PCDH15: variants seen among roughly 807,000 people sequenced by gnomAD.
The protein encoded by PCDH15 is protocadherin related 15, also known as protocadherin-15.
PCDH15 carries 129 observed loss-of-function variants against 178.5 expected under a neutral mutation model. That is an observed-to-expected ratio of 0.72 (90% CI 0.63 to 0.84). The LOEUF (loss-of-function observed/expected upper bound fraction) is 0.84. PCDH15 is among the 40% of genes least tolerant of loss of function. PCDH15 has a pLI of 0.00. For synonymous variants in PCDH15, 800 were observed against 732.0 expected, an observed-to-expected ratio of 1.09 and a Z score of -1.50; for missense variants, 2,230 against 2,099.9, an observed-to-expected ratio of 1.06 and a Z score of -1.21.
intron 1 of PCDH15, among the ~76,000 whole-genome samples, chr10:55,280,142 A>G (rs1044469620): frequency 5.3e-5 from 8 of 152,092 alleles, no homozygotes; most frequent in Non-Finnish European, 1.0e-4. Flanking sequence ...TTGAAATTTC[A>G]TGATATAGAG....
At chr10:55,212,842 TC>T (rs1319092172) in intron 1 of PCDH15, among the ~76,000 whole-genome samples, 1 of 152,116 alleles carries the variant, frequency 6.6e-6, no homozygotes, top group African/African-American at 2.4e-5. Flanking sequence ...AGTCCTACTT[TC>T]TATTCAAAAT....
At chr10:54,779,452 TC>T (rs1950078508) in intron 1 of PCDH15, among the ~76,000 whole-genome samples, 8 of 110,862 alleles carry the variant, frequency 7.2e-5, no homozygotes, top group African/African-American at 1.4e-4. Flanking sequence ...ATATATACAC[TC>T]ATATATGTGT....
intron 2 of PCDH15, among the ~76,000 whole-genome samples, chr10:54,534,499 A>C (rs993053257): frequency 6.6e-6 from 1 of 152,162 alleles, no homozygotes; most frequent in African/African-American, 2.4e-5. Flanking sequence ...TGCCCCTGAT[A>C]TGAGTTGGTG....
intron 3 of PCDH15, among the ~76,000 whole-genome samples, chr10:54,433,989 G>A (rs1249608571): frequency 6.6e-6 from 1 of 152,162 alleles, no homozygotes; most frequent in East Asian, 1.9e-4. Context: ...GGGACGAGAC[G>A]TGGACGTGGA....
chr10:54,697,146 T>C (rs2095240405), intron 1 of PCDH15, among the ~76,000 whole-genome samples: 1 of 152,080 alleles, frequency 6.6e-6, no homozygotes, highest in African/African-American at 2.4e-5. Flanking sequence ...TATTTGTAGT[T>C]ACTACAGAAG....
chr10:53,924,453 G>A (rs1355152943), intron 25 of PCDH15, among the ~76,000 whole-genome samples: 1 of 152,152 alleles, frequency 6.6e-6, no homozygotes, highest in East Asian at 1.9e-4. Flanking sequence ...CCGCCATGCT[G>A]GAGTGTCCCC....
At chr10:54,693,861 T>C (rs2095173249) in intron 1 of PCDH15, among the ~76,000 whole-genome samples, 1 of 152,110 alleles carries the variant, frequency 6.6e-6, no homozygotes, top group Non-Finnish European at 1.5e-5. Context: ...CTGAGTGAAA[T>C]GTCTATGGTT....
chr10:55,466,123 CAG>C (rs1839826921), intron 2 of PCDH15, among the ~76,000 whole-genome samples: 1 of 152,086 alleles, frequency 6.6e-6, no homozygotes, highest in East Asian at 1.9e-4. Context: ...AAAATATGCA[CAG>C]AGATTACTAT....
chr10:54,499,953 C>A (rs2080502577), intron 3 of PCDH15, among the ~76,000 whole-genome samples: 2 of 152,080 alleles, frequency 1.3e-5, no homozygotes, highest in Non-Finnish European at 2.9e-5. Flanking sequence ...GGTATACACA[C>A]AAAGCAACAT....
intron 2 of PCDH15, among the ~76,000 whole-genome samples, chr10:55,092,049 A>G (rs987000260): frequency 6.6e-6 from 1 of 151,872 alleles, no homozygotes; most frequent in African/African-American, 2.4e-5. Flanking sequence ...CTATTCTAAT[A>G]TGGCTCATAA....
intron 2 of PCDH15, among the ~76,000 whole-genome samples, chr10:54,651,039 A>G (rs553862510): frequency 6.6e-6 from 1 of 152,246 alleles, no homozygotes; most frequent in African/African-American, 2.4e-5. Flanking sequence ...CAAGCAATCA[A>G]TCAAGAATAA....
intron 25 of PCDH15, among the ~76,000 whole-genome samples, chr10:53,936,660 T>A (rs2085602047): frequency 6.6e-6 from 1 of 152,162 alleles, no homozygotes; most frequent in Non-Finnish European, 1.5e-5. Flanking sequence ...TTTAATTAAT[T>A]TGCATTTAAA....
intron 1 of PCDH15, among the ~76,000 whole-genome samples, chr10:55,238,324 G>GT (rs1162956855): frequency 6.6e-6 from 1 of 151,590 alleles, no homozygotes; most frequent in African/African-American, 2.4e-5. Context: ...TAATTTTCTT[G>GT]TATTTTTAGT....
chr10:54,307,689 A>G (rs2060641266), intron 8 of PCDH15, among the ~76,000 whole-genome samples: 1 of 152,026 alleles, frequency 6.6e-6, no homozygotes, highest in Non-Finnish European at 1.5e-5. Context: ...TTTATTTAAA[A>G]AGATACCTCG....
Position 53,806,674 on chromosome 10 carries a change from C to G in PCDH15, c.5128G>C (p.Ala1710Pro), listed in dbSNP as rs1330996866. 6.2e-7 allele frequency: 1 copy of G among 1,613,858 alleles called. No individual in the cohort carries two copies. The highest frequency in any genetic ancestry group is 1.7e-5 in the Admixed American group (1 of 59,996). ...GTGTGGTCACTATGAAATTCCAAAGCCTCCTTGATGTTCTTACTGTCAATC... is the reference window on the plus strand; with the variant it reads ...GTGTGGTCACTATGAAATTCCAAAGGCTCCTTGATGTTCTTACTGTCAATC... ...SMIDSKNIKE[A>P]LEFHSDHTQS... Residue 1710 changes from alanine to proline, a missense_variant, in exon 38 of 38, where the codon GCT (alanine) becomes CCT (proline). Ala to Pro is a conservative substitution (Grantham distance 27, BLOSUM62 -1). Coordinates refer to ENST00000644397, the MANE Select transcript of PCDH15 (RefSeq NM_001384140.1).
intron 2 of PCDH15, among the ~76,000 whole-genome samples, chr10:55,340,586 G>A (rs568855499): frequency 2.6e-5 from 4 of 151,712 alleles, no homozygotes; most frequent in Non-Finnish European, 4.4e-5. Flanking sequence ...TAATATATTC[G>A]TGTACAACAA....
chr10:55,251,055 C>A (rs1029089711), intron 1 of PCDH15, among the ~76,000 whole-genome samples: 8 of 151,936 alleles, frequency 5.3e-5, no homozygotes, highest in African/African-American at 1.9e-4. Flanking sequence ...TCCTGTGTAC[C>A]CTTTACTCAA....
chr10:54,866,056 T>G (rs1180352950), intron 3 of PCDH15, among the ~76,000 whole-genome samples: 8 of 152,158 alleles, frequency 5.3e-5, no homozygotes, highest in Admixed American at 5.2e-4. Flanking sequence ...AAACTTTTCT[T>G]TAAAAAAGTA....
chr10:54,958,982 C>T (rs1838570303), intron 2 of PCDH15, among the ~76,000 whole-genome samples: 2 of 151,826 alleles, frequency 1.3e-5, no homozygotes, highest in South Asian at 4.1e-4. Flanking sequence ...TATACAAATA[C>T]AACCTTTTAA....
Sources: allele counts gnomAD v4.1 joint callset (sites outside exome capture counted in the v4.1 genomes callset), GRCh38; gene constraint gnomAD v4.1.1; transcripts MANE v1.5; gene names NCBI Gene and HGNC (gene_info 2026-07-23, HGNC 2026-07-21).